CR2: variants seen among roughly 807,000 people sequenced by gnomAD.
The protein encoded by CR2 is complement receptor type 2.
A neutral mutation model predicts 123.0 loss-of-function variants in CR2; 96 were observed. That is an observed-to-expected ratio of 0.78 (90% CI 0.66 to 0.93). CR2 has a LOEUF of 0.93. Among genes scored for constraint, CR2 ranks in the 40% least tolerant of loss-of-function variants. The probability of loss-of-function intolerance (pLI) is 0.00; values close to 1 mark genes in which losing one functional copy is unlikely to be tolerated. For missense variants in CR2, 1,258 were observed against 1,361.0 expected (o/e 0.92, Z 1.19); for synonymous variants, 484 against 469.5 (o/e 1.03, Z -0.40).
chr1:207,466,646 A>G lies in CR2; in HGVS notation c.179A>G (p.Glu60Gly), dbSNP rs769007577. ...SCSGTFRLIG[E>G]KSLLCITKDK... Reference sequence around the variant, plus strand: ...TCAGGTACCTTCCGCCTCATTGGAGAAAAAAGTCTATTATGCATAACTAAA... The same window carrying G: ...TCAGGTACCTTCCGCCTCATTGGAGGAAAAAGTCTATTATGCATAACTAAA... The change falls in exon 2 of 20, where the codon GAA becomes GGA. Residue 60 changes from glutamate to glycine, a missense_variant. Transcript: ENST00000367057. The G allele has an allele frequency of 6.2e-6, 10 of 1,614,112 alleles. No individual in the cohort carries two copies. Among genetic ancestry groups the G allele is most frequent in the Non-Finnish European group, 6.8e-6 (8 of 1,179,990 alleles).
Position 207,466,693 on chromosome 1 carries a change from G to T in CR2, c.226G>T (p.Asp76Tyr), listed in dbSNP as rs764887471. 1 of 1,614,064 alleles carries T rather than the reference G, an allele frequency of 6.2e-7. No homozygotes were observed. The highest frequency in any genetic ancestry group is 8.5e-7 in the Non-Finnish European group (1 of 1,179,974). The part of the protein sequence containing the change: ...ITKDKVDGTW[D>Y]KPAPKCEYFN... ...TAAAGACAAAGTGGATGGAACCTGG[G>T]ATAAACCTGCTCCTAAATGTGAATA... Residue 76 changes from aspartate (D) to tyrosine (Y), a missense_variant, in exon 2 of 20, where the codon GAT becomes TAT. Coordinates refer to ENST00000367057, the MANE Select transcript of CR2 (RefSeq NM_001006658.3).
At position 207,466,888 on chromosome 1, in the gene CR2, A is replaced by T. The variant is rs1362795456; in HGVS notation, c.421A>T (p.Thr141Ser). The change falls in exon 2 of 20, where the codon ACA (threonine) becomes TCA (serine). Residue 141 changes from threonine to serine, a missense_variant. Coordinates refer to ENST00000367057, the MANE Select transcript of CR2 (RefSeq NM_001006658.3). ...TCAAGCAAATAATATGTGGGGGCCG[A>T]CACGACTACCAACCTGTGTAAGTGG... ...WCQANNMWGP[T>S]RLPTCVSVFP... is the part of the protein sequence containing the mutation. 6.2e-7 allele frequency: 1 copy of T among 1,603,046 alleles called. No homozygotes were observed. The highest frequency in any genetic ancestry group is 1.1e-5 in the South Asian group (1 of 89,230).
chr1:207,483,318 C>G (rs1658655908), intron 18 of CR2, among the ~76,000 whole-genome samples: 1 of 152,134 alleles, frequency 6.6e-6, no homozygotes, highest in Admixed American at 6.5e-5. Context: ...TAGGCTCAGA[C>G]ATGAAGGGGT....
intron 16 of CR2, 71 bp from the exon 17 acceptor site, chr1:207,479,186 T>C (rs1457035283): frequency 8.2e-7 from 1 of 1,215,400 alleles, no homozygotes; most frequent in African/African-American, 1.5e-5. Context: ...GACATTACCA[T>C]GAAACGTGGG....
intron 19 of CR2, among the ~76,000 whole-genome samples, chr1:207,487,671 C>A (rs1379963445): frequency 1.3e-5 from 2 of 152,058 alleles, no homozygotes; most frequent in African/African-American, 4.8e-5. Flanking sequence ...AGCAGTTATG[C>A]CCTATTCCTA....
At chr1:207,483,772 C>G (rs1245871429) in intron 18 of CR2, among the ~76,000 whole-genome samples, 1 of 152,038 alleles carries the variant, frequency 6.6e-6, no homozygotes, top group Non-Finnish European at 1.5e-5. Context: ...GAGTTCGGTT[C>G]TGACCTGGTA....
intron 13 of CR2, among the ~76,000 whole-genome samples, chr1:207,474,558 A>G (rs1053639482): frequency 1.3e-5 from 2 of 152,214 alleles, no homozygotes; most frequent in Admixed American, 1.3e-4. Context: ...TATATAGCCC[A>G]TATTCCTAGG....
chr1:207,457,738 A>G (rs770169430), intron 1 of CR2, among the ~76,000 whole-genome samples: 85 of 151,938 alleles, frequency 5.6e-4, no homozygotes, highest in Non-Finnish European at 2.6e-4. Context: ...CCAAACCAAG[A>G]CACTCTTACC....
intron 1 of CR2, among the ~76,000 whole-genome samples, chr1:207,457,515 A>G (rs556247474): frequency 6.6e-6 from 1 of 152,128 alleles, no homozygotes; most frequent in African/African-American, 2.4e-5. Context: ...TCTCAGCAAA[A>G]CTTTTCATTG....
intron 5 of CR2, 127 bp downstream of exon 5, chr1:207,469,359 T>A (rs1658198323): frequency 1.2e-6 from 1 of 828,878 alleles, no homozygotes; most frequent in Admixed American, 1.9e-5. Context: ...GATATGTGCT[T>A]CACCAAAGCA....
intron 19 of CR2, among the ~76,000 whole-genome samples, chr1:207,487,371 C>A (rs899905444): frequency 6.6e-6 from 1 of 152,158 alleles, no homozygotes; most frequent in Non-Finnish European, 1.5e-5. Flanking sequence ...ACTGCAGCCT[C>A]TACTTCCTAG....
intron 2 of CR2, 106 bp from the exon 3 acceptor site, chr1:207,468,421 T>G: frequency 9.1e-7 from 1 of 1,094,076 alleles, no homozygotes; most frequent in Non-Finnish European, 1.4e-6. Context: ...CAATTTTTCT[T>G]CTTCCAATGT....
At chr1:207,470,940 T>G in intron 7 of CR2, 24 bp downstream of exon 7, 2 of 1,613,788 alleles carry the variant, frequency 1.2e-6, no homozygotes, top group South Asian at 1.1e-5. Flanking sequence ...AATGTAGACA[T>G]TTTGTTAACT....
In CR2 at chr1:207,470,791, T is replaced by G; in HGVS notation, c.1277T>G (p.Met426Arg). Residue 426 changes from methionine (M) to arginine (R), a missense_variant, in exon 7 of 20, where the codon ATG (methionine) becomes AGG (arginine). Transcript: ENST00000367057. ...AATGGGCAAAAGGAAGATAGACACA[T>G]GGTCCGCTTTGACCCTGGAACATCT... The part of the protein sequence containing the change: ...ILNGQKEDRH[M>R]VRFDPGTSIK... 2 of 1,613,930 alleles carry G rather than the reference T, an allele frequency of 1.2e-6. No individual in the cohort carries two copies. The highest frequency in any genetic ancestry group is 2.2e-5 in the East Asian group (1 of 44,878).
At chr1:207,475,471 T>C (rs1241190628) in intron 14 of CR2, among the ~76,000 whole-genome samples, 6 of 152,214 alleles carry the variant, frequency 3.9e-5, no homozygotes, top group Admixed American at 3.9e-4. Context: ...TCTCCAAAAA[T>C]TGTTATTGTT....
rs1658830342 is a variant in CR2, at chr1:207,489,460, A to C, written c.*337A>C. 6.6e-6 allele frequency: 1 copy of C among 152,124 alleles called. No homozygotes were observed. Among genetic ancestry groups the C allele is most frequent in the Non-Finnish European group, 1.5e-5 (1 of 68,018 alleles). The allele number at this position is 152,124 out of a possible 1,614,324, so 9.4% of individuals were successfully genotyped here. A position where few individuals can be genotyped will look rare whatever the true frequency, so the allele number is the denominator to read the frequency against. On this transcript the variant is annotated 3_prime_UTR_variant, in exon 20 of 20. Coordinates refer to ENST00000367057, the MANE Select transcript of CR2 (RefSeq NM_001006658.3). ...TAAAAAGAGCTGTCCTGGTATCTAG[A>C]CCCATCTTCTTTTTGAAATCAGCAT...
Position 207,470,105 on chromosome 1 carries a change from G to C in CR2, c.1225+3G>C, listed in dbSNP as rs1439277709. 15 of 1,613,162 alleles carry C rather than the reference G, an allele frequency of 9.3e-6. 1 individual carries two copies. Among genetic ancestry groups the C allele is most frequent in the Admixed American group, 5.0e-5 (3 of 59,952 alleles). On this transcript the variant is annotated splice_donor_region_variant and intron_variant, in intron 6 of 19. Transcript: ENST00000367057. ...ATCTGCACCAGTCTGTGAAAAGGGTGAGTGTTCCGGTACTCAGAAAAGGTG... is the reference window on the plus strand; with the variant it reads ...ATCTGCACCAGTCTGTGAAAAGGGTCAGTGTTCCGGTACTCAGAAAAGGTG...
chr1:207,475,538 A>G (rs529239918), intron 14 of CR2, among the ~76,000 whole-genome samples: 1 of 152,338 alleles, frequency 6.6e-6, no homozygotes, highest in African/African-American at 2.4e-5. Flanking sequence ...TGGCAGTAAT[A>G]TTGCTAATTA....
chr1:207,462,970 C>T (rs879611153), intron 1 of CR2, among the ~76,000 whole-genome samples: 4 of 152,130 alleles, frequency 2.6e-5, no homozygotes, highest in Non-Finnish European at 5.9e-5. Context: ...TTGACTGATC[C>T]GTTGGAAAGT....
Sources: gnomAD v4.1 joint callset for allele counts (sites outside exome capture counted in the v4.1 genomes callset) on GRCh38, gnomAD v4.1.1 for gene constraint, MANE v1.5 for transcripts, NCBI Gene and HGNC (gene_info 2026-07-23, HGNC 2026-07-21) for gene names.